The following COL5A2 variants were observed in gnomAD, a reference collection of about 807,000 sequenced individuals.
COL5A2 encodes the protein collagen type V alpha 2 chain, also known as collagen alpha-2(V) chain.
In COL5A2, 23 loss-of-function variants were observed where a neutral mutation model predicts 208.2. That is an observed-to-expected ratio of 0.11 (90% CI 0.08 to 0.16). COL5A2 has a LOEUF of 0.16. Ranked by LOEUF, COL5A2 falls within the 10% of genes least tolerant of loss-of-function variation. The pLI, the probability that COL5A2 is intolerant of heterozygous loss-of-function variation, is 1.00. For missense variants in COL5A2, 1,590 were observed against 1,956.4 expected (o/e 0.81, Z 3.53); for synonymous variants, 625 against 628.5 (o/e 0.99, Z 0.08).
the COL5A2 span, among the ~76,000 whole-genome samples, chr2:189,280,069 A>T: frequency 6.6e-6 from 1 of 152,120 alleles, no homozygotes; most frequent in African/African-American, 2.4e-5. Flanking sequence ...TGAACCAAGA[A>T]GGAGACCCTC....
chr2:189,248,075 T>A, the COL5A2 span, among the ~76,000 whole-genome samples: 1 of 152,218 alleles, frequency 6.6e-6, no homozygotes, highest in Non-Finnish European at 1.5e-5. Context: ...AGCTACACAT[T>A]TTAAAAACAT....
chr2:189,327,419 A>AAAG, the COL5A2 span, among the ~76,000 whole-genome samples: 1 of 152,156 alleles, frequency 6.6e-6, no homozygotes, highest in Non-Finnish European at 1.5e-5. Flanking sequence ...AAAGGGGGAG[A>AAAG]AAGAAGAAGA....
chr2:189,429,432 G>C, the COL5A2 span, among the ~76,000 whole-genome samples: 1 of 152,280 alleles, frequency 6.6e-6, no homozygotes, highest in African/African-American at 2.4e-5. Context: ...TGAGACAGTG[G>C]TTTCAAAGAA....
chr2:189,241,937 A>G, the COL5A2 span, among the ~76,000 whole-genome samples: 4 of 152,142 alleles, frequency 2.6e-5, no homozygotes, highest in African/African-American at 4.8e-5. Flanking sequence ...ATCCCATTTT[A>G]TGTACTTTTC....
chr2:189,431,989 A>G, the COL5A2 span, among the ~76,000 whole-genome samples: 1 of 152,238 alleles, frequency 6.6e-6, no homozygotes, highest in Non-Finnish European at 1.5e-5. Flanking sequence ...TCAGACTAAT[A>G]GCAGATCTCT....
At chr2:189,400,276 G>A in the COL5A2 span, among the ~76,000 whole-genome samples, 3 of 152,046 alleles carry the variant, frequency 2.0e-5, no homozygotes, top group South Asian at 2.1e-4. Flanking sequence ...TTGCTTCTGC[G>A]CTATTCTCTT....
chr2:189,421,504 C>T, the COL5A2 span, among the ~76,000 whole-genome samples: 2 of 152,144 alleles, frequency 1.3e-5, no homozygotes, highest in Admixed American at 1.3e-4. Context: ...CCCCAGGTAG[C>T]ACAGTGCAGT....
the COL5A2 span, among the ~76,000 whole-genome samples, chr2:189,247,255 T>C: frequency 1.3e-5 from 2 of 152,142 alleles, no homozygotes; most frequent in African/African-American, 2.4e-5. Flanking sequence ...CACAAGTAGA[T>C]GGCAGGTACA....
chr2:189,323,598 G>C, the COL5A2 span, among the ~76,000 whole-genome samples: 2 of 152,052 alleles, frequency 1.3e-5, no homozygotes, highest in Admixed American at 6.5e-5. Flanking sequence ...AAAATACCTA[G>C]GAATCCAACT....
chr2:189,041,511 CACAG>C, intron 50 of COL5A2, 71 bp downstream of exon 50: 3 of 1,196,166 alleles, frequency 2.5e-6, no homozygotes, highest in Non-Finnish European at 3.8e-6. Flanking sequence ...AATCGGGCTG[CACAG>C]ACATTTCTTG....
At chr2:189,169,340 C>A (rs184101651) in intron 1 of COL5A2, among the ~76,000 whole-genome samples, 3 of 152,054 alleles carry the variant, frequency 2.0e-5, no homozygotes, top group Non-Finnish European at 4.4e-5. Context: ...TGTGGGGCTG[C>A]GAAACAGGGG....
At chr2:189,055,289 G>A (rs2105570150) in intron 35 of COL5A2, among the ~76,000 whole-genome samples, 1 of 152,308 alleles carries the variant, frequency 6.6e-6, no homozygotes, top group African/African-American at 2.4e-5. Flanking sequence ...ACACTTAGAG[G>A]ACAGTACAGC....
At chr2:189,134,961 T>A (rs1036648002) in intron 1 of COL5A2, among the ~76,000 whole-genome samples, 28 of 91,308 alleles carry the variant, frequency 3.1e-4, no homozygotes, top group African/African-American at 7.5e-4. Context: ...ATACAAGGCA[T>A]TAATTTTAAA....
the COL5A2 span, among the ~76,000 whole-genome samples, chr2:189,241,614 A>G: frequency 0.093 from 14,105 of 152,230 alleles, 1,489 homozygotes; most frequent in African/African-American, 0.25. Context: ...TGAGCCCAGG[A>G]GGTTGAGGCT....
intron 1 of COL5A2, among the ~76,000 whole-genome samples, chr2:189,224,974 G>T (rs1478081138): frequency 1.3e-5 from 2 of 151,974 alleles, no homozygotes; most frequent in Non-Finnish European, 2.9e-5. Flanking sequence ...TGTCACGAAA[G>T]AATACAAGTT....
the COL5A2 span, among the ~76,000 whole-genome samples, chr2:189,349,458 A>G: frequency 1.1e-3 from 171 of 152,276 alleles, no homozygotes; most frequent in African/African-American, 3.8e-3. Flanking sequence ...CTGTGTATTG[A>G]CTCAATCTGG....
At position 189,061,612 on chromosome 2, in the gene COL5A2, G is replaced by C; in HGVS notation, c.1981C>G (p.Leu661Val). Residue 661 changes from leucine to valine, a missense_variant, in exon 30 of 54, where the codon CTA becomes GTA. Physicochemically the swap from Leu to Val is conservative, Grantham distance 32 (BLOSUM62 1). Transcript: ENST00000374866. ...CCTTGTTCTCCTCTTTCACCAGCTA[G>C]ACCCTAAGTTGTGAAGGAGAAAATA... ...GPSGPVGPPG[L>V]AGERGEQGPP... 6.2e-7 allele frequency: 1 copy of C among 1,612,222 alleles called. No individual in the cohort carries two copies.
At chr2:189,047,908 G>T (rs1162804989) in intron 45 of COL5A2, among the ~76,000 whole-genome samples, 4 of 152,148 alleles carry the variant, frequency 2.6e-5, no homozygotes, top group Admixed American at 6.5e-5. Context: ...TCATGCTTTT[G>T]TTAATGAGTT....
Position 189,179,761 on chromosome 2 carries a change from C to A in COL5A2, c.-157G>T. Reference sequence around the variant, plus strand: ...TCAGCACCAGCTCCAGCACAGTCTGCGAAAACTTTTTTCAAGCGATGCAGC... The same window carrying A: ...TCAGCACCAGCTCCAGCACAGTCTGAGAAAACTTTTTTCAAGCGATGCAGC... On this transcript the variant is annotated 5_prime_UTR_variant, in exon 1 of 54. Transcript: ENST00000374866. 4.5e-6 allele frequency: 6 copies of A among 1,346,688 alleles called. No homozygotes were observed. The highest frequency in any genetic ancestry group is 1.5e-5 in the African/African-American group (1 of 68,088). 83.4% of individuals were successfully genotyped at this position (1,346,688 alleles called of 1,614,324 possible).
Sources: allele counts gnomAD v4.1 joint callset (sites outside exome capture counted in the v4.1 genomes callset), GRCh38; gene constraint gnomAD v4.1.1; transcripts MANE v1.5; gene names NCBI Gene and HGNC (gene_info 2026-07-23, HGNC 2026-07-21).